Variants in SCFD2 observed in about 807,000 individuals in gnomAD.
The protein encoded by SCFD2 is sec1 family domain containing 2.
A neutral mutation model predicts 58.9 loss-of-function variants in SCFD2; 54 were observed. That is an observed-to-expected ratio of 0.92 (90% CI 0.74 to 1.15). The LOEUF (loss-of-function observed/expected upper bound fraction) is 1.15, where lower values mean the gene tolerates loss of function less well. Ranked by LOEUF, SCFD2 falls within the 50% of genes most tolerant of loss-of-function variation. The pLI is 0.00. For synonymous variants in SCFD2, 321 were observed against 335.9 expected (o/e 0.96, Z 0.49); for missense variants, 805 against 836.6 (o/e 0.96, Z 0.47).
chr4:53,299,792 T>A (rs1161772815), intron 3 of SCFD2, among the ~76,000 whole-genome samples: 3 of 152,174 alleles, frequency 2.0e-5, no homozygotes, highest in African/African-American at 7.2e-5. Context: ...GTGCCAATAT[T>A]CAACATTCTT....
intron 5 of SCFD2, among the ~76,000 whole-genome samples, chr4:52,995,990 T>C (rs1040923289): frequency 1.3e-5 from 2 of 152,246 alleles, no homozygotes; most frequent in African/African-American, 4.8e-5. Context: ...ATGCCAGATC[T>C]ATCCAGAGTG....
At chr4:52,922,881 A>G (rs1719773718) in intron 5 of SCFD2, among the ~76,000 whole-genome samples, 1 of 152,262 alleles carries the variant, frequency 6.6e-6, no homozygotes, top group Admixed American at 6.5e-5. Context: ...ATTATTAGCT[A>G]TCTTCTTAAT....
At chr4:53,360,939 G>T (rs1300605596) in intron 1 of SCFD2, among the ~76,000 whole-genome samples, 1 of 152,034 alleles carries the variant, frequency 6.6e-6, no homozygotes, top group African/African-American at 2.4e-5. Flanking sequence ...TTTACATGTT[G>T]CCTTGAATCT....
chr4:53,246,641 A>C (rs1410482306), intron 4 of SCFD2, among the ~76,000 whole-genome samples: 1 of 152,088 alleles, frequency 6.6e-6, no homozygotes, highest in Non-Finnish European at 1.5e-5. Context: ...ACTGGCTAGC[A>C]GAAGATTGAA....
rs561305250 is a variant in SCFD2, at chr4:52,884,932, T to C, written c.1962+815A>G. On this transcript the variant is annotated intron_variant, in intron 8 of 8. Transcript: ENST00000401642. The stretch of plus-strand genomic sequence containing the variant: ...AAGCATATTCTCAAGCCTCTTCTGA[T>C]TTAAGATTCACAGCCACCCTGGCAC... Among the ~76,000 whole-genome samples, 466 of 152,310 alleles carry C rather than the reference T, an allele frequency of 3.1e-3. 5 individuals are homozygous for C. The highest frequency in any genetic ancestry group is 0.015 in the South Asian group (74 of 4,830).
chr4:53,350,124 T>C (rs759552267), intron 2 of SCFD2, among the ~76,000 whole-genome samples: 3 of 152,226 alleles, frequency 2.0e-5, no homozygotes, highest in Non-Finnish European at 4.4e-5. Context: ...GTGCTATTAC[T>C]AAGGGGCATC....
intron 4 of SCFD2, among the ~76,000 whole-genome samples, chr4:53,244,363 T>C (rs894227890): frequency 1.1e-4 from 17 of 151,988 alleles, no homozygotes; most frequent in African/African-American, 3.1e-4. Context: ...CCTCAGTAAA[T>C]GCAAAAGAAC....
intron 4 of SCFD2, among the ~76,000 whole-genome samples, chr4:53,225,049 T>A (rs1434913780): frequency 6.6e-6 from 1 of 152,186 alleles, no homozygotes; most frequent in Non-Finnish European, 1.5e-5. Context: ...ACATCTAGGT[T>A]GTTCCTAATT....
At chr4:52,898,422 T>C (rs984309381) in intron 7 of SCFD2, among the ~76,000 whole-genome samples, 11 of 152,264 alleles carry the variant, frequency 7.2e-5, no homozygotes, top group Non-Finnish European at 1.5e-4. Context: ...CCAGTAGTTA[T>C]TCACCAGCAG....
chr4:53,179,706 A>T lies in SCFD2; in HGVS notation c.1312-34124T>A, dbSNP rs1181330294. 2.0e-5 allele frequency among the ~76,000 whole-genome samples: 3 copies of T among 152,194 alleles called. No individual in the cohort carries two copies. In the East Asian group the frequency reaches 5.8e-4, roughly 29 times the overall value. ...CTCCAATTAAAAGACACAGACTGGC[A>T]AATTGGATCAAGAGTCAAGACCCAT... On this transcript the variant is annotated intron_variant, in intron 4 of 8. Transcript: ENST00000401642.
At chr4:53,066,857 C>A (rs899758383) in intron 5 of SCFD2, among the ~76,000 whole-genome samples, 4 of 152,008 alleles carry the variant, frequency 2.6e-5, no homozygotes, top group Admixed American at 6.6e-5. Context: ...CTTGTCACAG[C>A]AGCAACTTTA....
At chr4:53,200,511 T>C (rs1728197327) in intron 4 of SCFD2, among the ~76,000 whole-genome samples, 1 of 152,114 alleles carries the variant, frequency 6.6e-6, no homozygotes, top group South Asian at 2.1e-4. Flanking sequence ...ATATAAGCAC[T>C]GTCTCTACAA....
At chr4:52,876,280 A>G (rs1718471988) in intron 8 of SCFD2, among the ~76,000 whole-genome samples, 1 of 152,230 alleles carries the variant, frequency 6.6e-6, no homozygotes, top group Admixed American at 6.5e-5. Context: ...GGAAGTGCTC[A>G]GCAACTGTGA....
At chr4:52,963,682 C>T (rs1720901155) in intron 5 of SCFD2, among the ~76,000 whole-genome samples, 1 of 152,108 alleles carries the variant, frequency 6.6e-6, no homozygotes, top group Non-Finnish European at 1.5e-5. Flanking sequence ...TATTTTTCCT[C>T]AGGAATGGGG....
chr4:53,207,407 CT>C (rs1728440559), intron 4 of SCFD2, among the ~76,000 whole-genome samples: 1 of 143,466 alleles, frequency 7.0e-6, no homozygotes, highest in East Asian at 2.0e-4. Context: ...ACCAACAATC[CT>C]TAGTGTCTGG....
At chr4:53,243,013 T>C (rs1156967823) in intron 4 of SCFD2, among the ~76,000 whole-genome samples, 1 of 152,148 alleles carries the variant, frequency 6.6e-6, no homozygotes, top group Admixed American at 6.5e-5. Context: ...GACTCATTAG[T>C]GTTATAGAGA....
At position 53,253,703 on chromosome 4, in the gene SCFD2, C is replaced by A. The variant is rs1403330042; in HGVS notation, c.1311+20123G>T. Among the ~76,000 whole-genome samples, 5 of 131,908 alleles carry A rather than the reference C, an allele frequency of 3.8e-5. 1 individual carries two copies. The Admixed American group carries it at 4.7e-4, about 12-fold the overall frequency. The allele number at this position is 131,908 out of a possible 152,430, so 86.5% of individuals were successfully genotyped here. On this transcript the variant is annotated intron_variant, in intron 4 of 8. Transcript: ENST00000401642. Reference sequence around the variant, plus strand: ...GAATTGAACAATGAGAACACATGGACACCAGAAGGGGAACATCACATGCTG... The same window carrying A: ...GAATTGAACAATGAGAACACATGGAAACCAGAAGGGGAACATCACATGCTG...
At chr4:52,956,741 T>G (rs2109536376) in intron 5 of SCFD2, 1 of 154,970 alleles carries the variant, frequency 6.5e-6, no homozygotes, top group African/African-American at 2.4e-5. Context: ...CCCATTAACA[T>G]CAAGTGGAGG....
At chr4:53,151,913 A>G (rs1185061747) in intron 4 of SCFD2, among the ~76,000 whole-genome samples, 1 of 152,186 alleles carries the variant, frequency 6.6e-6, no homozygotes, top group Non-Finnish European at 1.5e-5. Flanking sequence ...AGAGCAAGAG[A>G]GAAGTGGGGA....
Sources: allele counts gnomAD v4.1 joint callset (sites outside exome capture counted in the v4.1 genomes callset), GRCh38; gene constraint gnomAD v4.1.1; transcripts MANE v1.5; gene names NCBI Gene and HGNC (gene_info 2026-07-23, HGNC 2026-07-21).